The following CNOT11 variants were observed in gnomAD, a reference collection of about 807,000 sequenced individuals.
CNOT11 encodes UPF0760 protein C2orf29.
Under a neutral mutation model 44.6 loss-of-function variants are expected in CNOT11, and 18 were observed. That is an observed-to-expected ratio of 0.40 (90% CI 0.28 to 0.60). The LOEUF is 0.60. Among genes scored for constraint, CNOT11 ranks in the 20% least tolerant of loss-of-function variants. The pLI is 0.38. For missense variants in CNOT11, 513 were observed against 677.0 expected (o/e 0.76, Z 2.69); for synonymous variants, 291 against 270.9 (o/e 1.07, Z -0.73).
At chr2:101,260,284 ATATT>A (rs1392069622) in intron 2 of CNOT11, among the ~76,000 whole-genome samples, 1 of 152,116 alleles carries the variant, frequency 6.6e-6, no homozygotes, top group African/African-American at 2.4e-5. Context: ...ATTTATTATA[ATATT>A]TATTTATAGT....
intron 2 of CNOT11, 87 bp from the exon 3 acceptor site, chr2:101,262,452 C>T: frequency 4.1e-6 from 5 of 1,219,044 alleles, no homozygotes; most frequent in Non-Finnish European, 5.9e-6. Flanking sequence ...TTGTTTTTCT[C>T]TGTTACAGAT....
At position 101,253,603 on chromosome 2, in the gene CNOT11, C is replaced by A; in HGVS notation, c.514+125C>A. 1.0e-6 allele frequency: 1 copy of A among 957,034 alleles called. No homozygotes were observed. The highest frequency in any genetic ancestry group is 1.5e-6 in the Non-Finnish European group (1 of 683,144). The allele number at this position is 957,034 out of a possible 1,614,324, so 59.3% of individuals were successfully genotyped here. A position where few individuals can be genotyped will look rare whatever the true frequency, so the allele number is the denominator to read the frequency against. On this transcript the variant is annotated intron_variant, in intron 1 of 6. Transcript: ENST00000289382. The surrounding 1 kb of genome is among the most constrained non-coding windows in gnomAD (Gnocchi z 4.3). ...CTGTGAAATGATCATCCTCTTTTTC[C>A]GCCTCTCTCTGCGTTCCCACGCCCC... is the stretch of plus-strand genomic sequence containing the variant.
In CNOT11 at chr2:101,253,239, T is replaced by C; in HGVS notation, c.275T>C (p.Phe92Ser). The change falls in exon 1 of 7, where the codon TTC (phenylalanine) becomes TCC (serine). Residue 92 changes from phenylalanine to serine, a missense_variant. Phe to Ser is a radical substitution (Grantham distance 155, BLOSUM62 -2). Transcript: ENST00000289382. This position sits in a 1 kb window ranked among gnomAD's most constrained non-coding sequence, Gnocchi z 4.3. The part of the protein sequence containing the change: ...GSTFEGLSTA[F>S]HHYFSKADHF... ...ACCTTCGAGGGCCTGTCCACCGCCT[T>C]CCACCACTACTTCAGCAAGGCCGAC... The C allele has an allele frequency of 6.2e-7, 1 of 1,611,712 alleles. No homozygotes were observed. The highest frequency in any genetic ancestry group is 8.5e-7 in the Non-Finnish European group (1 of 1,179,518).
chr2:101,261,847 T>TC (rs1268099890), intron 2 of CNOT11, among the ~76,000 whole-genome samples: 2 of 140,564 alleles, frequency 1.4e-5, no homozygotes, highest in Non-Finnish European at 3.1e-5. Context: ...TTTCTTTCTT[T>TC]TTTTTTTTTT....
At chr2:101,267,887 A>G (rs1174641501) in intron 5 of CNOT11, among the ~76,000 whole-genome samples, 1 of 152,188 alleles carries the variant, frequency 6.6e-6, no homozygotes, top group East Asian at 1.9e-4. Flanking sequence ...GGGGAAATCC[A>G]TTCTGAGTGC....
intron 3 of CNOT11, 78 bp downstream of exon 3, chr2:101,262,769 ACAT>A (rs1371984134): frequency 5.2e-6 from 6 of 1,163,412 alleles, no homozygotes; most frequent in Admixed American, 2.3e-5. Context: ...AGTTTTTGAG[ACAT>A]CATTTTATTT....
chr2:101,259,091 G>A lies in CNOT11; in HGVS notation c.679+1136G>A, dbSNP rs147321941. On this transcript the variant is annotated intron_variant, in intron 2 of 6. Transcript: ENST00000289382. ...CGAGGCTGCAGTGAGCTGTGATTGC[G>A]CCACTGCACTCCAGCCTGCACAATA... Among the ~76,000 whole-genome samples the A allele has an allele frequency of 4.5e-3, 680 of 152,162 alleles. 3 individuals are homozygous for A. Among genetic ancestry groups the A allele is most frequent in the African/African-American group, 0.016 (646 of 41,498 alleles).
intron 2 of CNOT11, among the ~76,000 whole-genome samples, chr2:101,258,950 A>G (rs1681793097): frequency 6.6e-6 from 1 of 152,196 alleles, no homozygotes; most frequent in Non-Finnish European, 1.5e-5. Context: ...CCTGGGCAAC[A>G]TAAGGAAACT....
In CNOT11 at chr2:101,253,070, G is replaced by A. The variant is rs1173994258; in HGVS notation, c.106G>A (p.Gly36Ser). ...GTCGGCGTCCAGGAGCGGCTTCGGG[G>A]GCTCCGGCGGCGGCAGAGGCGGAGC... ...AGSASRSGFG[G>S]SGGGRGGASG... The change falls in exon 1 of 7, where the codon GGC becomes AGC. Residue 36 changes from glycine (G) to serine (S), a missense_variant. By Grantham distance (56) the Gly-to-Ser change is moderately conservative. Coordinates refer to ENST00000289382, the MANE Select transcript of CNOT11 (RefSeq NM_017546.5). The surrounding 1 kb of genome is among the most constrained non-coding windows in gnomAD (Gnocchi z 4.3). 6.6e-6 allele frequency: 10 copies of A among 1,516,132 alleles called. 1 individual carries two copies. Among genetic ancestry groups the A allele is most frequent in the East Asian group, 2.7e-5 (1 of 37,360 alleles). 93.9% of individuals were successfully genotyped at this position (1,516,132 alleles called of 1,614,324 possible).
intron 5 of CNOT11, 90 bp downstream of exon 5, chr2:101,266,969 T>C (rs1682002525): frequency 1.1e-6 from 1 of 920,994 alleles, no homozygotes. Context: ...TGTCTTGATA[T>C]TATTGGCGTA....
At chr2:101,255,695 G>T (rs1244114734) in intron 1 of CNOT11, among the ~76,000 whole-genome samples, 1 of 152,160 alleles carries the variant, frequency 6.6e-6, no homozygotes, top group African/African-American at 2.4e-5. Context: ...AACAGAGGCA[G>T]GGCTGCGATT....
chr2:101,267,091 G>A (rs775799101), intron 5 of CNOT11, among the ~76,000 whole-genome samples: 6 of 152,172 alleles, frequency 3.9e-5, no homozygotes, highest in Non-Finnish European at 8.8e-5. Context: ...GTTAGTAGAA[G>A]CATAAATGAA....
intron 3 of CNOT11, among the ~76,000 whole-genome samples, chr2:101,263,439 A>C (rs1038164080): frequency 1.3e-5 from 2 of 152,160 alleles, no homozygotes; most frequent in Non-Finnish European, 2.9e-5. Flanking sequence ...AAGAGATGGA[A>C]TCTTGCTATG....
chr2:101,265,173 T>C, intron 4 of CNOT11, 126 bp downstream of exon 4: 2 of 554,466 alleles, frequency 3.6e-6, no homozygotes, highest in Non-Finnish European at 6.0e-6. Context: ...CGATCTCGGC[T>C]CACTGCAGCC....
Position 101,264,925 on chromosome 2 carries a change from G to T in CNOT11, c.913G>T (p.Glu305Ter), listed in dbSNP as rs1333048058. 1 of 1,614,058 alleles carries T rather than the reference G, an allele frequency of 6.2e-7. No individual in the cohort carries two copies. Among genetic ancestry groups the T allele is most frequent in the Admixed American group, 1.7e-5 (1 of 60,000 alleles). The change falls in exon 4 of 7, where the codon GAG becomes TAG. Residue 305 changes from glutamate to a stop codon, truncating the protein, a stop_gained. Coordinates refer to ENST00000289382, the MANE Select transcript of CNOT11 (RefSeq NM_017546.5). LOFTEE classifies it high-confidence loss of function. ...EDELAWLNPT[E>*]PDHAIQWDKS... ...TGAACTTGCTTGGCTAAACCCCACGGAGCCTGACCACGCGATCCAGTGGGA... is the reference window on the plus strand; with the variant it reads ...TGAACTTGCTTGGCTAAACCCCACGTAGCCTGACCACGCGATCCAGTGGGA...
chr2:101,268,636 G>A (rs1573205007), intron 5 of CNOT11, among the ~76,000 whole-genome samples: 1 of 152,212 alleles, frequency 6.6e-6, no homozygotes, highest in East Asian at 1.9e-4. Flanking sequence ...TCTTCTTTTG[G>A]AAATTCATAC....
chr2:101,256,778 G>A (rs1408415918), intron 1 of CNOT11, among the ~76,000 whole-genome samples: 1 of 152,364 alleles, frequency 6.6e-6, no homozygotes, highest in South Asian at 2.1e-4. Context: ...GCCAGGCGTG[G>A]TGGCTCACGC....
At position 101,253,446 on chromosome 2, in the gene CNOT11, G is replaced by T; in HGVS notation, c.482G>T (p.Gly161Val). Reference protein sequence around the residue: ...HLLNPAPPARGGQEPDRPPLS... With the variant: ...HLLNPAPPARVGQEPDRPPLS... Reference sequence around the variant, plus strand: ...CTCAACCCCGCGCCGCCCGCCCGCGGCGGCCAGGAACCCGACCGCCCTCCG... The same window carrying T: ...CTCAACCCCGCGCCGCCCGCCCGCGTCGGCCAGGAACCCGACCGCCCTCCG... The change falls in exon 1 of 7, where the codon GGC becomes GTC. Residue 161 changes from glycine (G) to valine (V), a missense_variant. Around this residue, in one of 4 missense-constraint regions of CNOT11, gnomAD observed 259 missense variants for 265.7 expected, o/e 0.97. Transcript: ENST00000289382. The surrounding 1 kb of genome is among the most constrained non-coding windows in gnomAD (Gnocchi z 4.3). The T allele has an allele frequency of 1.3e-6, 2 of 1,521,160 alleles. No individual in the cohort carries two copies. Among genetic ancestry groups the T allele is most frequent in the South Asian group, 1.3e-5 (1 of 79,940 alleles). 94.2% of individuals were successfully genotyped at this position (1,521,160 alleles called of 1,614,324 possible). A position where few individuals can be genotyped will look rare whatever the true frequency, so the allele number is the denominator to read the frequency against.
chr2:101,262,381 T>C (rs1681885217), intron 2 of CNOT11, 158 bp from the exon 3 acceptor site: 1 of 604,844 alleles, frequency 1.7e-6, no homozygotes, highest in Admixed American at 3.0e-5. Context: ...CAACGCTAAG[T>C]GAGGACCTGC....
Sources: gnomAD v4.1 joint callset for allele counts (sites outside exome capture counted in the v4.1 genomes callset) on GRCh38, gnomAD v4.1.1 for gene constraint, gnomAD v4.1.1 regional missense constraint, Gnocchi (gnomAD v3.1) non-coding constraint, MANE v1.5 for transcripts, NCBI Gene and HGNC (gene_info 2026-07-23, HGNC 2026-07-21) for gene names.